MYT1L: variants seen among roughly 807,000 people sequenced by gnomAD.
MYT1L encodes myelin transcription factor 1-like protein.
Under a neutral mutation model 126.7 loss-of-function variants are expected in MYT1L, and 12 were observed. That is an observed-to-expected ratio of 0.09 (90% CI 0.06 to 0.15). The LOEUF (loss-of-function observed/expected upper bound fraction) is 0.15, where lower values mean the gene tolerates loss of function less well. MYT1L is among the 10% of genes least tolerant of loss of function. MYT1L has a pLI of 1.00. For synonymous variants in MYT1L, 541 were observed against 604.2 expected (o/e 0.90, Z 1.53); for missense variants, 979 against 1,585.2 (o/e 0.62, Z 6.49).
chr2:1,861,823 G>C (rs2044679463), intron 18 of MYT1L, among the ~76,000 whole-genome samples: 1 of 152,098 alleles, frequency 6.6e-6, no homozygotes, highest in Admixed American at 6.6e-5. Context: ...CCTGCAGCCT[G>C]TGTAATCCTG....
At chr2:2,089,453 GC>G (rs1476943795) in intron 3 of MYT1L, among the ~76,000 whole-genome samples, 1 of 152,198 alleles carries the variant, frequency 6.6e-6, no homozygotes, top group Non-Finnish European at 1.5e-5. Flanking sequence ...TCCTAATAAA[GC>G]TACACACATG....
intron 4 of MYT1L, among the ~76,000 whole-genome samples, chr2:2,030,327 G>A (rs2066093926): frequency 6.6e-6 from 1 of 152,116 alleles, no homozygotes; most frequent in Non-Finnish European, 1.5e-5. Flanking sequence ...TCGATCTCCT[G>A]ACCTCATGAT....
chr2:1,968,056 C>T (rs2059511787), intron 8 of MYT1L, among the ~76,000 whole-genome samples: 2 of 152,160 alleles, frequency 1.3e-5, no homozygotes, highest in Non-Finnish European at 2.9e-5. Context: ...TCAACTCCAC[C>T]CACCTGGCAA....
At chr2:2,186,907 T>G (rs1450592261) in intron 2 of MYT1L, among the ~76,000 whole-genome samples, 2 of 152,240 alleles carry the variant, frequency 1.3e-5, no homozygotes, top group African/African-American at 2.4e-5. Context: ...TAAAAAGATC[T>G]GTGTGCAATA....
intron 8 of MYT1L, among the ~76,000 whole-genome samples, chr2:1,975,741 G>C (rs960782003): frequency 2.0e-5 from 3 of 152,138 alleles, no homozygotes; most frequent in Non-Finnish European, 4.4e-5. Flanking sequence ...GCGCACACTT[G>C]TAATCCCAGC....
chr2:1,792,652 T>C (rs2032367742), intron 23 of MYT1L, among the ~76,000 whole-genome samples, 188 bp from the exon 24 acceptor site: 1 of 152,108 alleles, frequency 6.6e-6, no homozygotes, highest in African/African-American at 2.4e-5. Context: ...GGCAGGTCAC[T>C]TGAGGTCAGG....
intron 23 of MYT1L, among the ~76,000 whole-genome samples, chr2:1,796,736 C>G (rs1008320946): frequency 6.6e-6 from 1 of 152,164 alleles, no homozygotes; most frequent in East Asian, 1.9e-4. Context: ...GTTTCCTGTG[C>G]CTGGAGTGCT....
chr2:2,229,866 G>A (rs2094119917), intron 2 of MYT1L, among the ~76,000 whole-genome samples: 1 of 152,000 alleles, frequency 6.6e-6, no homozygotes, highest in African/African-American at 2.4e-5. Context: ...CCAAGTCTTT[G>A]TCCTCTCCAC....
intron 18 of MYT1L, among the ~76,000 whole-genome samples, chr2:1,865,086 G>A (rs983472193): frequency 3.3e-5 from 5 of 152,322 alleles, no homozygotes; most frequent in African/African-American, 7.2e-5. Context: ...AAGGGCGCCC[G>A]TGTGGGTGTC....
intron 2 of MYT1L, among the ~76,000 whole-genome samples, chr2:2,284,024 G>A (rs772084308): frequency 5.9e-5 from 9 of 152,164 alleles, no homozygotes; most frequent in African/African-American, 9.7e-5. Flanking sequence ...AGGAGTGGGA[G>A]GAGTTTGAAA....
chr2:2,170,749 C>A (rs1253299850), intron 3 of MYT1L, among the ~76,000 whole-genome samples: 3 of 152,070 alleles, frequency 2.0e-5, no homozygotes, highest in African/African-American at 7.3e-5. Context: ...GAGAGTCAAA[C>A]ACTAATCTTT....
At chr2:2,147,910 C>T (rs2085124816) in intron 3 of MYT1L, among the ~76,000 whole-genome samples, 1 of 152,204 alleles carries the variant, frequency 6.6e-6, no homozygotes. Context: ...TTTTAATACA[C>T]TTTGTCTTTC....
chr2:2,219,681 C>G (rs1002638954), intron 2 of MYT1L, among the ~76,000 whole-genome samples: 2 of 152,174 alleles, frequency 1.3e-5, no homozygotes, highest in Non-Finnish European at 2.9e-5. Flanking sequence ...CTGCCTTTGC[C>G]TCTTTTAAAA....
intron 3 of MYT1L, among the ~76,000 whole-genome samples, chr2:2,113,551 C>T (rs2079778123): frequency 6.6e-6 from 1 of 152,218 alleles, no homozygotes. Context: ...CTTCCCCAGC[C>T]TGGTCCATCT....
chr2:2,162,006 C>T (rs548838396), intron 3 of MYT1L, among the ~76,000 whole-genome samples: 6 of 152,240 alleles, frequency 3.9e-5, no homozygotes, highest in South Asian at 2.1e-4. Context: ...GTGGCGTTTA[C>T]GTTCAGGATA....
chr2:2,303,948 G>C (rs570451709), intron 1 of MYT1L: 1 of 152,322 alleles, frequency 6.6e-6, no homozygotes, highest in Admixed American at 6.5e-5. Flanking sequence ...TGTCCCAGCT[G>C]CGGGTAGTTG....
chr2:2,169,540 A>G (rs1234669955), intron 3 of MYT1L, among the ~76,000 whole-genome samples: 2 of 152,178 alleles, frequency 1.3e-5, no homozygotes, highest in Non-Finnish European at 1.5e-5. Context: ...TTCAGCATTA[A>G]CCTTTTTATC....
chr2:2,181,080 GTATGTACC>G (rs912300251), intron 2 of MYT1L, among the ~76,000 whole-genome samples: 14 of 151,172 alleles, frequency 9.3e-5, no homozygotes, highest in African/African-American at 3.4e-4. Flanking sequence ...GTGTGCTTGT[GTATGTACC>G]TGTGTACCTG....
At chr2:2,203,543 A>G (rs1369654837) in intron 2 of MYT1L, among the ~76,000 whole-genome samples, 1 of 151,808 alleles carries the variant, frequency 6.6e-6, no homozygotes, top group South Asian at 2.1e-4. Context: ...CCTAGGAATC[A>G]AACTTAGAAG....
Sources: allele counts gnomAD v4.1 joint callset (sites outside exome capture counted in the v4.1 genomes callset), GRCh38; gene constraint gnomAD v4.1.1; transcripts MANE v1.5; gene names NCBI Gene and HGNC (gene_info 2026-07-23, HGNC 2026-07-21).